Variants in NTNG1 observed in about 807,000 individuals in gnomAD.
NTNG1 encodes netrin-G1.
A neutral mutation model predicts 54.0 loss-of-function variants in NTNG1; 16 were observed. That is an observed-to-expected ratio of 0.30 (90% CI 0.20 to 0.45). NTNG1 has a LOEUF of 0.45. Among genes scored for constraint, NTNG1 ranks in the 20% least tolerant of loss-of-function variants. The pLI is 1.00. For missense variants in NTNG1, 530 were observed against 678.7 expected (o/e 0.78, Z 2.43); for synonymous variants, 255 against 263.1 (o/e 0.97, Z 0.30).
chr1:107,311,863 G>A (rs1386409576), intron 2 of NTNG1, among the ~76,000 whole-genome samples: 2 of 152,114 alleles, frequency 1.3e-5, no homozygotes, highest in Non-Finnish European at 2.9e-5. Context: ...ACACTCATAG[G>A]CTGATATGAC....
intron 7 of NTNG1, among the ~76,000 whole-genome samples, chr1:107,444,112 C>T (rs895117653): frequency 4.0e-5 from 6 of 149,844 alleles, no homozygotes; most frequent in African/African-American, 1.5e-4. Context: ...GAGCAAACCC[C>T]AGGGTTGCCC....
intron 2 of NTNG1, among the ~76,000 whole-genome samples, chr1:107,313,217 AAT>A (rs2101842547): frequency 6.6e-6 from 1 of 152,292 alleles, no homozygotes. Flanking sequence ...TATTTTATAG[AAT>A]ACCCCTCAAT....
intron 3 of NTNG1, among the ~76,000 whole-genome samples, chr1:107,336,962 A>T (rs991900367): frequency 2.6e-5 from 4 of 151,964 alleles, no homozygotes; most frequent in Non-Finnish European, 5.9e-5. Flanking sequence ...ATTCAAAAAC[A>T]TAAAATAACA....
chr1:107,336,552 A>G (rs965735737), intron 3 of NTNG1, among the ~76,000 whole-genome samples: 12 of 152,032 alleles, frequency 7.9e-5, no homozygotes, highest in African/African-American at 2.7e-4. Context: ...AAACTTCATG[A>G]CATTAAATCT....
intron 3 of NTNG1, among the ~76,000 whole-genome samples, chr1:107,369,880 C>T (rs1670815085): frequency 6.6e-6 from 1 of 151,840 alleles, no homozygotes; most frequent in Non-Finnish European, 1.5e-5. Flanking sequence ...ATATTTAAGC[C>T]TATGATCAGT....
intron 2 of NTNG1, among the ~76,000 whole-genome samples, chr1:107,285,699 G>T (rs547137637): frequency 6.6e-6 from 1 of 152,042 alleles, no homozygotes; most frequent in Non-Finnish European, 1.5e-5. Context: ...AGAAATTGTC[G>T]AAAACAATGA....
chr1:107,469,097 CAAAA>C (rs35394442), intron 7 of NTNG1, among the ~76,000 whole-genome samples: 1 of 115,636 alleles, frequency 8.6e-6, no homozygotes, highest in Non-Finnish European at 1.7e-5. Context: ...AACTCCATTT[CAAAA>C]AAAAAAAAAA....
intron 2 of NTNG1, among the ~76,000 whole-genome samples, chr1:107,255,964 G>A (rs558285975): frequency 3.9e-5 from 6 of 152,234 alleles, no homozygotes; most frequent in African/African-American, 1.4e-4. Flanking sequence ...ATATGTGTTT[G>A]GAACCTCACT....
chr1:107,279,906 A>C (rs1664718560), intron 2 of NTNG1, among the ~76,000 whole-genome samples: 1 of 151,988 alleles, frequency 6.6e-6, no homozygotes, highest in Non-Finnish European at 1.5e-5. Context: ...TCCTCCCACC[A>C]TGGGTTGCAG....
At chr1:107,200,909 T>C (rs921261923) in intron 2 of NTNG1, among the ~76,000 whole-genome samples, 3 of 151,868 alleles carry the variant, frequency 2.0e-5, no homozygotes, top group African/African-American at 7.2e-5. Context: ...CTGACCAGCA[T>C]TATTTTTGTT....
At chr1:107,325,192 T>C (rs773642219) in intron 3 of NTNG1, among the ~76,000 whole-genome samples, 6 of 152,012 alleles carry the variant, frequency 3.9e-5, no homozygotes, top group Non-Finnish European at 8.8e-5. Flanking sequence ...AGTCGGGAGG[T>C]CCTTTAGGTC....
chr1:107,413,357 G>A (rs1673970039), intron 5 of NTNG1, among the ~76,000 whole-genome samples: 1 of 151,688 alleles, frequency 6.6e-6, no homozygotes, highest in South Asian at 2.1e-4. Flanking sequence ...TAGTAGAGAC[G>A]GGGTCTCACC....
chr1:107,294,394 G>A (rs1665813119), intron 2 of NTNG1, among the ~76,000 whole-genome samples: 1 of 152,152 alleles, frequency 6.6e-6, no homozygotes, highest in African/African-American at 2.4e-5. Context: ...GCCGCTTTGT[G>A]TGCCTGCAGG....
At chr1:107,365,550 A>G (rs1434096658) in intron 3 of NTNG1, among the ~76,000 whole-genome samples, 2 of 152,358 alleles carry the variant, frequency 1.3e-5, no homozygotes, top group Non-Finnish European at 2.9e-5. Context: ...ATGCAATTTT[A>G]CAGTCGCTTA....
intron 2 of NTNG1, among the ~76,000 whole-genome samples, chr1:107,266,203 G>C (rs1039319977): frequency 3.9e-5 from 6 of 152,138 alleles, no homozygotes; most frequent in Admixed American, 1.3e-4. Context: ...TAGTGAATAT[G>C]GGAGGGGAAA....
chr1:107,294,512 C>T (rs1391637307), intron 2 of NTNG1, among the ~76,000 whole-genome samples: 1 of 152,088 alleles, frequency 6.6e-6, no homozygotes, highest in East Asian at 1.9e-4. Flanking sequence ...ACTTCCCTGC[C>T]CCTCCACTAC....
intron 2 of NTNG1, among the ~76,000 whole-genome samples, chr1:107,288,185 A>G (rs976236757): frequency 4.6e-5 from 7 of 152,330 alleles, no homozygotes; most frequent in African/African-American, 1.7e-4. Flanking sequence ...GGGATAACTG[A>G]TATGCACATG....
intron 2 of NTNG1, among the ~76,000 whole-genome samples, chr1:107,246,423 AAT>A (rs1024632475): frequency 1.1e-4 from 16 of 151,670 alleles, no homozygotes; most frequent in African/African-American, 2.2e-4. Context: ...AAAAAAAAAA[AAT>A]GTCCTTGTGG....
chr1:107,186,496 C>T (rs12025396), intron 2 of NTNG1, among the ~76,000 whole-genome samples: 115,030 of 152,118 alleles, frequency 0.76, 47,316 homozygotes, highest in East Asian at 0.99. Flanking sequence ...ATGATCCCTC[C>T]GAGCCTGTCT....
Sources: allele counts gnomAD v4.1 joint callset (sites outside exome capture counted in the v4.1 genomes callset), GRCh38; gene constraint gnomAD v4.1.1; transcripts MANE v1.5; gene names NCBI Gene and HGNC (gene_info 2026-07-23, HGNC 2026-07-21).